The following DCAF8L2 variants were observed in gnomAD, a reference collection of about 807,000 sequenced individuals.
DCAF8L2 encodes DDB1 and CUL4 associated factor 8 like 2, also known as DDB1- and CUL4-associated factor 8-like protein 2.
For synonymous variants in DCAF8L2, 200 were observed against 190.9 expected (o/e 1.05, Z -0.39); for missense variants, 430 against 490.7 (o/e 0.88, Z 1.17).
chrX:27,739,563 T>C (rs918394527), intron 4 of DCAF8L2, among the ~76,000 whole-genome samples: 1 of 111,888 alleles, frequency 8.9e-6, no homozygotes, highest in Non-Finnish European at 1.9e-5. Flanking sequence ...CTAGGTGATC[T>C]CCTTTACTCC....
chrX:27,522,293 C>T, the DCAF8L2 span, among the ~76,000 whole-genome samples: 1 of 112,153 alleles, frequency 8.9e-6, no homozygotes, highest in Non-Finnish European at 1.9e-5. Context: ...TCCCAAAGTG[C>T]TAGGATTACA....
chrX:27,590,991 T>TTTTATATATATATATATATATATATA (rs761150025), intron 1 of DCAF8L2, among the ~76,000 whole-genome samples: 1 of 68,060 alleles, frequency 1.5e-5, no homozygotes, highest in Admixed American at 2.0e-4. Context: ...CCTTTACATT[T>TTTTATATATATATATATATATATATA]TATATATATA....
intron 3 of DCAF8L2, among the ~76,000 whole-genome samples, chrX:27,714,134 C>T (rs1931617988): frequency 9.0e-6 from 1 of 111,425 alleles, no homozygotes; most frequent in African/African-American, 3.3e-5. Flanking sequence ...CCCTGATAAA[C>T]ATCTTCAGCT....
intron 1 of DCAF8L2, among the ~76,000 whole-genome samples, chrX:27,631,603 T>C (rs1469403336): frequency 9.0e-6 from 1 of 111,478 alleles, no homozygotes; most frequent in African/African-American, 3.3e-5. Context: ...GTAGACACAT[T>C]TTTAGGCAGC....
chrX:27,743,695 TTTA>T (rs1366292942), intron 4 of DCAF8L2, among the ~76,000 whole-genome samples: 2 of 94,701 alleles, frequency 2.1e-5, no homozygotes, highest in African/African-American at 7.8e-5. Flanking sequence ...ATGCCTGGCT[TTTA>T]TTATTTATTT....
chrX:27,649,021 A>C (rs1427787605), intron 2 of DCAF8L2, among the ~76,000 whole-genome samples: 1 of 111,763 alleles, frequency 8.9e-6, no homozygotes, highest in Non-Finnish European at 1.9e-5. Context: ...TCTGGGCCCC[A>C]GCCCAGACAC....
At chrX:27,726,144 T>TTC (rs1323948268) in intron 4 of DCAF8L2, among the ~76,000 whole-genome samples, 4 of 111,443 alleles carry the variant, frequency 3.6e-5, no homozygotes, top group Non-Finnish European at 5.7e-5. Flanking sequence ...TTCAGGGCAT[T>TTC]TCTCTCTAGT....
At chrX:27,711,380 TGTGTGTGTGTGTGTGTAC>T (rs1355216736) in intron 3 of DCAF8L2, among the ~76,000 whole-genome samples, 1 of 93,189 alleles carries the variant, frequency 1.1e-5, no homozygotes, top group Non-Finnish European at 2.1e-5. Context: ...CATCTATATG[TGTGTGTGTGTGTGTGTAC>T]GTGTGTGTGT....
chrX:27,695,542 C>T (rs911848831), intron 3 of DCAF8L2, among the ~76,000 whole-genome samples: 1 of 111,486 alleles, frequency 9.0e-6, no homozygotes, highest in Non-Finnish European at 1.9e-5. Context: ...AAGCCCTTTA[C>T]CTTTTTGATT....
the DCAF8L2 span, among the ~76,000 whole-genome samples, chrX:27,495,126 G>T: frequency 9.0e-6 from 1 of 111,414 alleles, no homozygotes; most frequent in South Asian, 3.7e-4. Context: ...CTTTGCATAT[G>T]GATATCCAAA....
At chrX:27,565,944 G>A in the DCAF8L2 span, among the ~76,000 whole-genome samples, 2 of 110,802 alleles carry the variant, frequency 1.8e-5, no homozygotes, top group African/African-American at 6.6e-5. Flanking sequence ...ATTTCTGACA[G>A]CTCCACCCCA....
the DCAF8L2 span, among the ~76,000 whole-genome samples, chrX:27,494,706 A>T: frequency 8.9e-6 from 1 of 111,757 alleles, no homozygotes; most frequent in East Asian, 2.8e-4. Context: ...GCTATTGGTC[A>T]TTTTTTCTTG....
chrX:27,575,693 A>G, the DCAF8L2 span, among the ~76,000 whole-genome samples: 2 of 112,343 alleles, frequency 1.8e-5, no homozygotes, highest in African/African-American at 6.5e-5. Context: ...TTGTAATGGG[A>G]GATTTGGTTT....
At chrX:27,660,784 G>A (rs963132144) in intron 2 of DCAF8L2, among the ~76,000 whole-genome samples, 2 of 112,038 alleles carry the variant, frequency 1.8e-5, no homozygotes, top group African/African-American at 6.5e-5. Flanking sequence ...AGTCTCAGGT[G>A]CCGGGGAGCA....
chrX:27,594,296 C>G (rs991623503), intron 1 of DCAF8L2, among the ~76,000 whole-genome samples: 14 of 111,436 alleles, frequency 1.3e-4, no homozygotes, highest in African/African-American at 4.6e-4. Context: ...CTCCATAATT[C>G]AGCATTTTTC....
At chrX:27,719,786 A>T (rs2147295523) in intron 4 of DCAF8L2, among the ~76,000 whole-genome samples, 1 of 111,649 alleles carries the variant, frequency 9.0e-6, no homozygotes, top group Non-Finnish European at 1.9e-5. Flanking sequence ...TTTGTTCTTT[A>T]TATTTTTTGG....
chrX:27,748,945 C>A lies in DCAF8L2; in HGVS notation c.*154C>A. On this transcript the variant is annotated 3_prime_UTR_variant, in exon 5 of 5. Transcript: ENST00000451261. ...TGAAAACCGTCTCTTCCATTCCTTCCTCTCTACTTTCCTTTCTTTCTTCCA... is the reference window on the plus strand; with the variant it reads ...TGAAAACCGTCTCTTCCATTCCTTCATCTCTACTTTCCTTTCTTTCTTCCA... 1 of 658,655 alleles carries A rather than the reference C, an allele frequency of 1.5e-6. No individual in the cohort carries two copies. The highest frequency in any genetic ancestry group is 2.2e-6 in the Non-Finnish European group (1 of 461,482). The allele number at this position is 658,655 out of a possible 1,213,427, so 54.3% of individuals were successfully genotyped here. A position where few individuals can be genotyped will look rare whatever the true frequency, so the allele number is the denominator to read the frequency against.
the DCAF8L2 span, chrX:27,519,891 T>C: frequency 3.8e-6 from 1 of 265,993 alleles, no homozygotes; most frequent in East Asian, 6.0e-5. Context: ...ATTTTAATTA[T>C]ATACTTTTTT....
intron 3 of DCAF8L2, among the ~76,000 whole-genome samples, chrX:27,691,784 A>G (rs1232064767): frequency 8.9e-6 from 1 of 112,050 alleles, no homozygotes; most frequent in African/African-American, 3.2e-5. Context: ...TAAGATTGTC[A>G]AAATTTAAAA....
Sources: gnomAD v4.1 joint callset for allele counts (sites outside exome capture counted in the v4.1 genomes callset) on GRCh38, gnomAD v4.1.1 for gene constraint, MANE v1.5 for transcripts, NCBI Gene and HGNC (gene_info 2026-07-23, HGNC 2026-07-21) for gene names.